The following NPLOC4 variants were observed in gnomAD, a reference collection of about 807,000 sequenced individuals.
NPLOC4 encodes nuclear protein localization protein 4 homolog.
In NPLOC4, 18 loss-of-function variants were observed where a neutral mutation model predicts 80.6. That is an observed-to-expected ratio of 0.22 (90% confidence interval 0.15 to 0.33). NPLOC4 has a LOEUF of 0.33. NPLOC4 is among the 10% of genes least tolerant of loss of function. The probability of loss-of-function intolerance (pLI) is 1.00; values close to 1 mark genes in which losing one functional copy is unlikely to be tolerated. For synonymous variants in NPLOC4, 313 were observed against 301.5 expected (o/e 1.04, Z -0.39); for missense variants, 540 against 786.1 (o/e 0.69, Z 3.74).
chr17:81,558,071 C>T lies in NPLOC4; in HGVS notation c.*1188G>A, dbSNP rs1289087166. ...AGGCAAAGAAGCATCGAGATGCCCA[C>T]CACTCCCCGGGTAAGAGCCATGCCC... On this transcript the variant is annotated 3_prime_UTR_variant, in exon 17 of 17. Coordinates refer to ENST00000331134, the MANE Select transcript of NPLOC4 (RefSeq NM_017921.4). 1.3e-5 allele frequency: 2 copies of T among 152,454 alleles called. No individual in the cohort carries two copies. The highest frequency in any genetic ancestry group is 1.9e-4 in the East Asian group (1 of 5,196). 9.4% of individuals were successfully genotyped at this position (152,454 alleles called of 1,614,324 possible). A position where few individuals can be genotyped will look rare whatever the true frequency, so the allele number is the denominator to read the frequency against.
intron 2 of NPLOC4, among the ~76,000 whole-genome samples, chr17:81,625,026 C>T (rs2035762377): frequency 6.6e-6 from 1 of 152,062 alleles, no homozygotes; most frequent in Non-Finnish European, 1.5e-5. Flanking sequence ...AGCTAGAGTG[C>T]CAATTAGAGA....
intron 1 of NPLOC4, among the ~76,000 whole-genome samples, chr17:81,631,944 C>T (rs1235675862): frequency 2.0e-5 from 3 of 151,700 alleles, no homozygotes; most frequent in African/African-American, 2.4e-5. Context: ...GAATCACAGG[C>T]GCCCACCACC....
Position 81,567,814 on chromosome 17 carries a change from G to A in NPLOC4, c.1450-281C>T, listed in dbSNP as rs2034051922. 3.1e-6 allele frequency: 1 copy of A among 321,556 alleles called. No homozygotes were observed. The highest frequency in any genetic ancestry group is 5.8e-6 in the Non-Finnish European group (1 of 171,214). The allele number at this position is 321,556 out of a possible 1,614,324, so 19.9% of individuals were successfully genotyped here. On this transcript the variant is annotated intron_variant, in intron 14 of 16. Transcript: ENST00000331134. The surrounding 1 kb of genome is among the most constrained non-coding windows in gnomAD (Gnocchi z 4.5). Reference sequence around the variant, plus strand: ...TGACTCAGACTGGCCAGGTGTGGAGGCTAACACAGTAATTCCAGCACTTTT... The same window carrying A: ...TGACTCAGACTGGCCAGGTGTGGAGACTAACACAGTAATTCCAGCACTTTT...
chr17:81,581,824 C>T (rs2034448431), intron 12 of NPLOC4, among the ~76,000 whole-genome samples: 1 of 152,314 alleles, frequency 6.6e-6, no homozygotes, highest in South Asian at 2.1e-4. Flanking sequence ...TAGCCTGCCA[C>T]ATCCTCACAC....
rs1312947071 is a variant in NPLOC4, at chr17:81,564,001, A to C, written c.1669+1504T>G. ...GAGGCTGAGGGAGGGGAATTGCTTC[A>C]ACCCAGGAGGCAGAGTTTGCAGTGA... On this transcript the variant is annotated intron_variant, in intron 16 of 16. Coordinates refer to ENST00000331134, the MANE Select transcript of NPLOC4 (RefSeq NM_017921.4). The C allele has an allele frequency of 6.7e-6, 3 of 446,584 alleles. No individual in the cohort carries two copies. The Admixed American group carries it at 7.3e-5, about 11-fold the overall frequency. 27.7% of individuals were successfully genotyped at this position (446,584 alleles called of 1,614,324 possible). A position where few individuals can be genotyped will look rare whatever the true frequency, so the allele number is the denominator to read the frequency against.
chr17:81,615,391 C>T (rs1467547344), intron 3 of NPLOC4, among the ~76,000 whole-genome samples: 3 of 151,994 alleles, frequency 2.0e-5, no homozygotes, highest in South Asian at 4.1e-4. Flanking sequence ...TGAGCCACCA[C>T]GTCCAGCCGA....
chr17:81,593,050 C>G (rs949162883), intron 11 of NPLOC4, among the ~76,000 whole-genome samples: 1 of 152,144 alleles, frequency 6.6e-6, no homozygotes, highest in Non-Finnish European at 1.5e-5. Flanking sequence ...TAAAACCACA[C>G]TGAAATACTG....
At chr17:81,564,743 A>G (rs9911829) in intron 16 of NPLOC4, 21,311 of 150,662 alleles carry the variant, frequency 0.14, 1,803 homozygotes, top group Admixed American at 0.23. Context: ...AGGCAAGATC[A>G]CGCCACCACA....
chr17:81,569,353 C>A (rs2034096305), intron 13 of NPLOC4, among the ~76,000 whole-genome samples: 1 of 152,230 alleles, frequency 6.6e-6, no homozygotes, highest in Non-Finnish European at 1.5e-5. Flanking sequence ...GGCCTGTGCA[C>A]CGGCCTCGAC....
intron 11 of NPLOC4, among the ~76,000 whole-genome samples, chr17:81,591,545 AAG>A (rs1335127637): frequency 1.3e-5 from 2 of 151,980 alleles, no homozygotes; most frequent in East Asian, 3.8e-4. Context: ...AGTTGAGAAT[AAG>A]AGAAAAATGG....
chr17:81,615,613 G>T (rs1053820558), intron 3 of NPLOC4, among the ~76,000 whole-genome samples: 1 of 152,192 alleles, frequency 6.6e-6, no homozygotes, highest in African/African-American at 2.4e-5. Context: ...TGCTTGTGGG[G>T]CCAAGGCCAC....
chr17:81,622,205 G>A lies in NPLOC4; in HGVS notation c.170C>T (p.Thr57Ile), dbSNP rs2035688568. The change falls in exon 3 of 17, where the codon ACA becomes ATA. Residue 57 changes from threonine to isoleucine, a missense_variant. Thr to Ile is a moderately conservative substitution (Grantham distance 89, BLOSUM62 -1). Transcript: ENST00000331134. ...GTTGAGGGATTTGTTGGAGGAGGCTGTTATCTCTCCGGTCTTGTTTCTATT... is the reference window on the plus strand; with the variant it reads ...GTTGAGGGATTTGTTGGAGGAGGCTATTATCTCTCCGGTCTTGTTTCTATT... ...YINRNKTGEI[T>I]ASSNKSLNLL... The A allele has an allele frequency of 1.2e-6, 2 of 1,613,544 alleles. No individual in the cohort carries two copies. The highest frequency in any genetic ancestry group is 1.7e-6 in the Non-Finnish European group (2 of 1,179,640).
intron 12 of NPLOC4, among the ~76,000 whole-genome samples, chr17:81,586,074 C>T (rs529853075): frequency 1.3e-5 from 2 of 152,172 alleles, no homozygotes; most frequent in East Asian, 3.9e-4. Flanking sequence ...CACTTGAGAT[C>T]AGGAGTTCGA....
rs371459339 is a variant in NPLOC4, at chr17:81,606,065, G to A, written c.654+626C>T. Among the ~76,000 whole-genome samples, 17 of 151,462 alleles carry A rather than the reference G, an allele frequency of 1.1e-4. 1 individual carries two copies. Among genetic ancestry groups the A allele is most frequent in the East Asian group, 3.9e-4 (2 of 5,134 alleles). ...TTGAACTCCTGACCTCAGGTGATCCGCCCACCTCAACCTCCCAAAGTGCTG... is the reference window on the plus strand; with the variant it reads ...TTGAACTCCTGACCTCAGGTGATCCACCCACCTCAACCTCCCAAAGTGCTG... On this transcript the variant is annotated intron_variant, in intron 7 of 16. Transcript: ENST00000331134.
chr17:81,584,150 G>A (rs189903791), intron 12 of NPLOC4, among the ~76,000 whole-genome samples: 43 of 152,232 alleles, frequency 2.8e-4, no homozygotes, highest in Admixed American at 1.3e-3. Context: ...ACCTCCAACC[G>A]CAAAGTCCAT....
At chr17:81,624,159 G>T (rs1271477883) in intron 2 of NPLOC4, among the ~76,000 whole-genome samples, 1 of 152,096 alleles carries the variant, frequency 6.6e-6, no homozygotes, top group Non-Finnish European at 1.5e-5. Context: ...GGTGACTCAC[G>T]CCTGTAATCC....
At chr17:81,575,641 G>A (rs896394237) in intron 12 of NPLOC4, among the ~76,000 whole-genome samples, 2 of 152,022 alleles carry the variant, frequency 1.3e-5, no homozygotes, top group African/African-American at 4.8e-5. Flanking sequence ...TAGAGACTGG[G>A]CCCCCCACAC....
At chr17:81,569,196 G>T in intron 13 of NPLOC4, 85 bp from the exon 14 acceptor site, 1 of 847,120 alleles carries the variant, frequency 1.2e-6, no homozygotes, top group Non-Finnish European at 2.0e-6. Context: ...ATCTCCCAGA[G>T]CCCAAATTAA....
chr17:81,559,045 T>C lies in NPLOC4; in HGVS notation c.*214A>G, dbSNP rs971093833. 3.5e-6 allele frequency: 2 copies of C among 565,078 alleles called. No individual in the cohort carries two copies. Among genetic ancestry groups the C allele is most frequent in the African/African-American group, 1.9e-5 (1 of 52,642 alleles). The allele number at this position is 565,078 out of a possible 1,614,324, so 35.0% of individuals were successfully genotyped here. A position where few individuals can be genotyped will look rare whatever the true frequency, so the allele number is the denominator to read the frequency against. On this transcript the variant is annotated 3_prime_UTR_variant, in exon 17 of 17. Transcript: ENST00000331134. ...CGCTCTGCGTTTCCAGTCTGGAGACTGCATTCAGCCTGCAGAATACCAGCC... is the reference window on the plus strand; with the variant it reads ...CGCTCTGCGTTTCCAGTCTGGAGACCGCATTCAGCCTGCAGAATACCAGCC...
Sources: gnomAD v4.1 joint callset for allele counts (sites outside exome capture counted in the v4.1 genomes callset) on GRCh38, gnomAD v4.1.1 for gene constraint, Gnocchi (gnomAD v3.1) non-coding constraint, MANE v1.5 for transcripts, NCBI Gene and HGNC (gene_info 2026-07-23, HGNC 2026-07-21) for gene names.